OXR1: variants seen among roughly 807,000 people sequenced by gnomAD.
OXR1 encodes oxidation resistance 1, also known as oxidation resistance protein 1.
A neutral mutation model predicts 104.6 loss-of-function variants in OXR1; 41 were observed. That is an observed-to-expected ratio of 0.39 (90% CI 0.31 to 0.51). The LOEUF is 0.51. OXR1 is among the 20% of genes least tolerant of loss of function. The pLI, the probability that OXR1 is intolerant of heterozygous loss-of-function variation, is 0.77. For missense variants in OXR1, 955 were observed against 1,031.9 expected, an observed-to-expected ratio of 0.93 and a Z score of 1.02; for synonymous variants, 348 against 348.4, an observed-to-expected ratio of 1.00 and a Z score of 0.01.
At chr8:106,619,654 TA>T (rs1025770278) in intron 3 of OXR1, among the ~76,000 whole-genome samples, 1 of 152,122 alleles carries the variant, frequency 6.6e-6, no homozygotes, top group Non-Finnish European at 1.5e-5. Flanking sequence ...GCCTTTGTAA[TA>T]AAAAAATACA....
intron 2 of OXR1, among the ~76,000 whole-genome samples, chr8:106,484,839 G>T (rs1483501500): frequency 6.6e-6 from 1 of 151,890 alleles, no homozygotes; most frequent in Non-Finnish European, 1.5e-5. Flanking sequence ...ACACTCCTTG[G>T]TATTTATCCA....
chr8:106,683,808 T>C (rs1215695243), intron 5 of OXR1, among the ~76,000 whole-genome samples: 1 of 152,242 alleles, frequency 6.6e-6, no homozygotes, highest in Non-Finnish European at 1.5e-5. Context: ...TGATATATCA[T>C]ACTTATTTAA....
At chr8:106,550,515 ATTG>A (rs1211336531) in intron 3 of OXR1, among the ~76,000 whole-genome samples, 2 of 152,152 alleles carry the variant, frequency 1.3e-5, no homozygotes, top group Non-Finnish European at 2.9e-5. Flanking sequence ...CTCGTCTTGA[ATTG>A]TTATTGTCAT....
intron 2 of OXR1, among the ~76,000 whole-genome samples, chr8:106,370,971 G>A (rs1816681412): frequency 6.6e-6 from 1 of 151,948 alleles, no homozygotes; most frequent in South Asian, 2.1e-4. Flanking sequence ...CAGAAGGAAT[G>A]GTACCAGCTC....
At chr8:106,320,186 C>T (rs1814156025) in intron 1 of OXR1, among the ~76,000 whole-genome samples, 1 of 152,148 alleles carries the variant, frequency 6.6e-6, no homozygotes, top group Non-Finnish European at 1.5e-5. Flanking sequence ...AAGTTTAGCC[C>T]CTCATTCTGA....
At chr8:106,636,743 G>A (rs1823174545) in intron 3 of OXR1, among the ~76,000 whole-genome samples, 1 of 99,288 alleles carries the variant, frequency 1.0e-5, no homozygotes, top group Admixed American at 9.2e-5. Context: ...AGGAATAAAT[G>A]AGTAGAATAG....
At chr8:106,740,202 TC>T (rs2131572972) in intron 13 of OXR1, 140 bp from the exon 14 acceptor site, 1 of 578,026 alleles carries the variant, frequency 1.7e-6, no homozygotes, top group Admixed American at 3.4e-5. Flanking sequence ...CATCTTAGTA[TC>T]TTTGAGAATA....
chr8:106,678,425 A>G (rs1352046402), intron 3 of OXR1, among the ~76,000 whole-genome samples: 3 of 152,014 alleles, frequency 2.0e-5, no homozygotes, highest in South Asian at 2.1e-4. Flanking sequence ...CATGTTTACT[A>G]TCTTATTTAA....
Position 106,672,152 on chromosome 8 carries a change from A to G in OXR1, c.221-7058A>G, listed in dbSNP as rs138124422. Among the ~76,000 whole-genome samples the G allele has an allele frequency of 3.9e-5, 6 of 151,906 alleles. No homozygotes were observed. The East Asian group carries it at 1.2e-3, about 29-fold the overall frequency. ...ATCCAAGGAAGGCAACAAAGGAGAG[A>G]AGTCTAAAAGAACAGGTAGACAGAT... On this transcript the variant is annotated intron_variant, in intron 3 of 16. Transcript: ENST00000517566.
chr8:106,584,009 A>G (rs1818441899), intron 3 of OXR1, among the ~76,000 whole-genome samples: 1 of 152,156 alleles, frequency 6.6e-6, no homozygotes, highest in South Asian at 2.1e-4. Flanking sequence ...GAAGGAAAAG[A>G]AAATACTTGG....
At chr8:106,288,936 A>G (rs1812629991) in intron 1 of OXR1, among the ~76,000 whole-genome samples, 1 of 152,006 alleles carries the variant, frequency 6.6e-6, no homozygotes, top group African/African-American at 2.4e-5. Context: ...AACATTGGGA[A>G]AAAAGTGGTG....
intron 11 of OXR1, among the ~76,000 whole-genome samples, chr8:106,728,056 T>A (rs1255081569): frequency 6.6e-6 from 1 of 152,034 alleles, no homozygotes; most frequent in Non-Finnish European, 1.5e-5. Context: ...CCCAGTTTTC[T>A]AGTTGTTTTC....
intron 2 of OXR1, among the ~76,000 whole-genome samples, chr8:106,422,537 AAGACT>A (rs1818947944): frequency 6.6e-6 from 1 of 151,856 alleles, no homozygotes; most frequent in African/African-American, 2.4e-5. Context: ...ATAGTAAAAA[AAGACT>A]AATAGTAATA....
intron 1 of OXR1, among the ~76,000 whole-genome samples, chr8:106,294,962 A>G (rs1812928359): frequency 6.6e-6 from 1 of 152,232 alleles, no homozygotes; most frequent in Admixed American, 6.5e-5. Flanking sequence ...TTATAAATCA[A>G]GAATAGTTGA....
At chr8:106,402,077 T>G (rs1818026711) in intron 2 of OXR1, among the ~76,000 whole-genome samples, 2 of 152,178 alleles carry the variant, frequency 1.3e-5, no homozygotes, top group Admixed American at 1.3e-4. Context: ...TACCAGGTAC[T>G]AGGGGATGTG....
At chr8:106,664,860 A>G (rs1826117648) in intron 3 of OXR1, among the ~76,000 whole-genome samples, 1 of 152,224 alleles carries the variant, frequency 6.6e-6, no homozygotes, top group African/African-American at 2.4e-5. Context: ...CTTTGACATC[A>G]TCAATAGGTT....
chr8:106,561,213 T>A (rs2130490772), intron 3 of OXR1, among the ~76,000 whole-genome samples: 1 of 152,170 alleles, frequency 6.6e-6, no homozygotes, highest in African/African-American at 2.4e-5. Flanking sequence ...CCCAGAAAGC[T>A]AAGATCCACT....
chr8:106,323,381 T>C (rs148419391), intron 1 of OXR1, among the ~76,000 whole-genome samples: 3,667 of 152,236 alleles, frequency 0.024, 53 homozygotes, highest in South Asian at 0.096. Context: ...CAAGTTGGAT[T>C]AAAGACTTAA....
chr8:106,570,790 C>G (rs185158869), intron 3 of OXR1, among the ~76,000 whole-genome samples: 368 of 152,276 alleles, frequency 2.4e-3, no homozygotes, highest in Non-Finnish European at 3.5e-3. Context: ...AGCCAACATT[C>G]TACTGTGAAC....
Sources: gnomAD v4.1 joint callset for allele counts (sites outside exome capture counted in the v4.1 genomes callset) on GRCh38, gnomAD v4.1.1 for gene constraint, MANE v1.5 for transcripts, NCBI Gene and HGNC (gene_info 2026-07-23, HGNC 2026-07-21) for gene names.